Variants in NUAK1 observed in about 807,000 individuals in gnomAD.
The protein encoded by NUAK1 is NUAK family kinase 1, also known as NUAK family SNF1-like kinase 1.
NUAK1 carries 26 observed loss-of-function variants against 56.9 expected under a neutral mutation model. The ratio of observed to expected loss-of-function variants is 0.46; its 90% confidence interval spans 0.33 to 0.63. The LOEUF (loss-of-function observed/expected upper bound fraction) is 0.63. NUAK1 is among the 30% of genes least tolerant of loss of function. The pLI is 0.02. For missense variants in NUAK1, 727 were observed against 876.1 expected (o/e 0.83, Z 2.15); for synonymous variants, 337 against 336.0 (o/e 1.00, Z -0.03).
intron 2 of NUAK1, among the ~76,000 whole-genome samples, chr12:106,090,752 A>AT (rs1224153043): frequency 6.6e-6 from 1 of 152,144 alleles, no homozygotes; most frequent in Non-Finnish European, 1.5e-5. Context: ...TGCTCAACGA[A>AT]TGGAAGCTGT....
rs117362036 is a variant in NUAK1, at chr12:106,095,231, C to T, written c.362-8346G>A. Among the ~76,000 whole-genome samples the T allele has an allele frequency of 4.9e-3, 751 of 152,326 alleles. 6 individuals carry two copies. The highest frequency in any genetic ancestry group is 0.014 in the Middle Eastern group (4 of 294). On this transcript the variant is annotated intron_variant, in intron 2 of 6. Coordinates refer to ENST00000261402, the MANE Select transcript of NUAK1 (RefSeq NM_014840.3). The stretch of plus-strand genomic sequence containing the variant: ...AGAAAGCCCCGGCAATTGATCAGAA[C>T]CTCTCACAACTACCCCCAGAAAGAA...
intron 1 of NUAK1, among the ~76,000 whole-genome samples, chr12:106,117,948 T>C (rs1393355078): frequency 6.6e-6 from 1 of 152,216 alleles, no homozygotes. Context: ...CCAATAAATA[T>C]TTGTTGAGCT....
At chr12:106,130,678 C>T (rs1167471199) in intron 1 of NUAK1, among the ~76,000 whole-genome samples, 1 of 152,248 alleles carries the variant, frequency 6.6e-6, no homozygotes, top group African/African-American at 2.4e-5. Flanking sequence ...CAGCCCGCGT[C>T]GTTCTCACAG....
intron 1 of NUAK1, among the ~76,000 whole-genome samples, chr12:106,125,429 C>T (rs1210734839): frequency 3.3e-5 from 5 of 152,174 alleles, no homozygotes; most frequent in African/African-American, 1.2e-4. Context: ...GACGGTCCAG[C>T]CCTACATCCT....
intron 6 of NUAK1, among the ~76,000 whole-genome samples, chr12:106,068,819 A>C (rs1191473491): frequency 2.6e-5 from 4 of 152,104 alleles, no homozygotes; most frequent in African/African-American, 9.7e-5. Context: ...GGAAGCTGCC[A>C]CCTCCCCTCA....
intron 1 of NUAK1, among the ~76,000 whole-genome samples, chr12:106,107,254 A>G (rs1318939100): frequency 6.6e-6 from 1 of 152,222 alleles, no homozygotes; most frequent in Non-Finnish European, 1.5e-5. Flanking sequence ...GCCAGGGCCA[A>G]CACATGGAGC....
chr12:106,086,086 T>C (rs2032567984), intron 3 of NUAK1, among the ~76,000 whole-genome samples: 2 of 151,048 alleles, frequency 1.3e-5, no homozygotes, highest in Admixed American at 1.3e-4. Context: ...AGAACATTTC[T>C]CCTAGTAATT....
chr12:106,072,873 T>G (rs371290303), intron 4 of NUAK1, 30 bp from the exon 5 acceptor site: 13 of 1,612,754 alleles, frequency 8.1e-6, no homozygotes, highest in Non-Finnish European at 1.1e-5. Context: ...CCAGGGAGAC[T>G]TGTTAGCATT....
intron 1 of NUAK1, among the ~76,000 whole-genome samples, chr12:106,116,637 A>C (rs1429484914): frequency 6.6e-6 from 1 of 152,264 alleles, no homozygotes; most frequent in Non-Finnish European, 1.5e-5. Context: ...CTGAAAGACC[A>C]TACTCTTAAC....
At chr12:106,135,574 C>T (rs2033121106) in intron 1 of NUAK1, among the ~76,000 whole-genome samples, 1 of 152,336 alleles carries the variant, frequency 6.6e-6, no homozygotes, top group East Asian at 1.9e-4. Context: ...GATTTCACAG[C>T]ATTTCATACA....
chr12:106,117,693 A>G (rs2032931691), intron 1 of NUAK1, among the ~76,000 whole-genome samples: 1 of 152,248 alleles, frequency 6.6e-6, no homozygotes, highest in African/African-American at 2.4e-5. Context: ...ACATTGACCT[A>G]CTTTGCACAA....
At chr12:106,076,933 T>C (rs925504340) in intron 4 of NUAK1, among the ~76,000 whole-genome samples, 1 of 152,172 alleles carries the variant, frequency 6.6e-6, no homozygotes, top group African/African-American at 2.4e-5. Context: ...ATGATGGTAA[T>C]GCCTACACAA....
intron 4 of NUAK1, among the ~76,000 whole-genome samples, chr12:106,075,166 C>T (rs1374335567): frequency 6.6e-6 from 1 of 152,144 alleles, no homozygotes; most frequent in African/African-American, 2.4e-5. Context: ...CACTCCTATC[C>T]TCACAGACTG....
intron 1 of NUAK1, among the ~76,000 whole-genome samples, chr12:106,129,237 C>T (rs17038154): frequency 3.9e-5 from 6 of 152,230 alleles, no homozygotes; most frequent in Admixed American, 6.5e-5. Flanking sequence ...TAAGGGGAAG[C>T]GTGACCCAGA....
chr12:106,122,759 T>C (rs1206484154), intron 1 of NUAK1, among the ~76,000 whole-genome samples: 2 of 152,200 alleles, frequency 1.3e-5, no homozygotes, highest in Non-Finnish European at 1.5e-5. Flanking sequence ...ATGCAGAAGA[T>C]ACTCGGGTGT....
At chr12:106,137,952 C>A (rs999130090) in intron 1 of NUAK1, among the ~76,000 whole-genome samples, 4 of 152,150 alleles carry the variant, frequency 2.6e-5, no homozygotes, top group Admixed American at 6.5e-5. Context: ...CAAGGAGCTG[C>A]GGGCAGATGG....
chr12:106,133,623 A>C (rs946636256), intron 1 of NUAK1, among the ~76,000 whole-genome samples: 1 of 152,224 alleles, frequency 6.6e-6, no homozygotes, highest in Non-Finnish European at 1.5e-5. Flanking sequence ...GTTGCTGTGA[A>C]AGTTAAGTGA....
intron 1 of NUAK1, among the ~76,000 whole-genome samples, chr12:106,132,575 C>T (rs1468789743): frequency 6.6e-6 from 1 of 152,168 alleles, no homozygotes; most frequent in Admixed American, 6.5e-5. Flanking sequence ...AACCAGCTTA[C>T]CCCTCAAAGC....
chr12:106,132,968 T>G (rs138075818), intron 1 of NUAK1, among the ~76,000 whole-genome samples: 33 of 152,258 alleles, frequency 2.2e-4, no homozygotes, highest in African/African-American at 6.7e-4. Flanking sequence ...CTAGTTAACC[T>G]CTCTGTGAGT....
Sources: gnomAD v4.1 joint callset for allele counts (sites outside exome capture counted in the v4.1 genomes callset) on GRCh38, gnomAD v4.1.1 for gene constraint, MANE v1.5 for transcripts, NCBI Gene and HGNC (gene_info 2026-07-23, HGNC 2026-07-21) for gene names.